Variants in KAZN observed in about 807,000 individuals in gnomAD.
KAZN encodes the protein kazrin.
KAZN carries 40 observed loss-of-function variants against 87.4 expected under a neutral mutation model. The ratio of observed to expected loss-of-function variants is 0.46; its 90% CI spans 0.36 to 0.60. The LOEUF (loss-of-function observed/expected upper bound fraction) is 0.60. KAZN is among the 20% of genes least tolerant of loss of function. The pLI, the probability that KAZN is intolerant of heterozygous loss-of-function variation, is 0.00. For missense variants in KAZN, 898 were observed against 1,073.9 expected (o/e 0.84, Z 2.29); for synonymous variants, 466 against 458.3 (o/e 1.02, Z -0.22).
intron 1 of KAZN, among the ~76,000 whole-genome samples, chr1:14,138,553 A>G (rs1645159830): frequency 6.6e-6 from 1 of 152,054 alleles, no homozygotes; most frequent in African/African-American, 2.4e-5. Flanking sequence ...CCTCCCCTAG[A>G]GCCCCCACGA....
intron 1 of KAZN, among the ~76,000 whole-genome samples, chr1:14,672,240 G>A (rs572746302): frequency 3.3e-5 from 5 of 152,266 alleles, no homozygotes; most frequent in South Asian, 4.2e-4. Flanking sequence ...AGCCCACTCC[G>A]TGCTACACTT....
At chr1:14,432,928 A>G (rs1284090356) in intron 2 of KAZN, among the ~76,000 whole-genome samples, 1 of 152,008 alleles carries the variant, frequency 6.6e-6, no homozygotes, top group African/African-American at 2.4e-5. Flanking sequence ...GCTGCATAGT[A>G]TTCCATGGTG....
chr1:14,411,093 C>T (rs1664269559), intron 2 of KAZN, among the ~76,000 whole-genome samples: 1 of 152,154 alleles, frequency 6.6e-6, no homozygotes, highest in African/African-American at 2.4e-5. Context: ...AGGCACACTC[C>T]AGTGAAACGG....
chr1:15,073,348 G>A (rs1406646030), intron 8 of KAZN, among the ~76,000 whole-genome samples: 2 of 152,218 alleles, frequency 1.3e-5, no homozygotes. Flanking sequence ...AAGCTGCCTG[G>A]TGTGGGCTCA....
At chr1:14,542,092 G>C (rs1271023631) in intron 2 of KAZN, among the ~76,000 whole-genome samples, 1 of 152,156 alleles carries the variant, frequency 6.6e-6, no homozygotes, top group Non-Finnish European at 1.5e-5. Flanking sequence ...TGTCTCAGGG[G>C]TATCCTCTCA....
chr1:13,916,764 G>C (rs536290059), intron 1 of KAZN, among the ~76,000 whole-genome samples: 3 of 152,102 alleles, frequency 2.0e-5, no homozygotes, highest in Non-Finnish European at 4.4e-5. Context: ...TCCACCTGGG[G>C]AGCCACTGAA....
chr1:13,970,575 T>C (rs1403757702), intron 1 of KAZN, among the ~76,000 whole-genome samples: 1 of 152,238 alleles, frequency 6.6e-6, no homozygotes, highest in Non-Finnish European at 1.5e-5. Flanking sequence ...ATACTATCTA[T>C]CTGTGATGGA....
chr1:14,728,502 A>G (rs996108572), intron 1 of KAZN, among the ~76,000 whole-genome samples: 10 of 152,072 alleles, frequency 6.6e-5, no homozygotes, highest in African/African-American at 1.9e-4. Flanking sequence ...ATGAATGATG[A>G]ACTAAGTCTG....
intron 2 of KAZN, among the ~76,000 whole-genome samples, chr1:14,966,040 C>T (rs189611204): frequency 2.0e-4 from 27 of 136,712 alleles, no homozygotes; most frequent in Admixed American, 1.9e-3. Flanking sequence ...AGTGCAGGGG[C>T]GTGACCTCGG....
intron 1 of KAZN, among the ~76,000 whole-genome samples, chr1:14,085,808 G>A (rs1643836659): frequency 6.6e-6 from 1 of 152,138 alleles, no homozygotes; most frequent in African/African-American, 2.4e-5. Flanking sequence ...TATATGGTAA[G>A]TGTAACTTTA....
chr1:14,582,714 T>A (rs1169572206), intron 2 of KAZN, among the ~76,000 whole-genome samples: 3 of 152,232 alleles, frequency 2.0e-5, no homozygotes, highest in African/African-American at 7.2e-5. Context: ...TCTTGTATTG[T>A]GAACTGGTCT....
intron 2 of KAZN, among the ~76,000 whole-genome samples, chr1:15,007,233 G>A (rs1412354564): frequency 1.3e-5 from 2 of 152,208 alleles, no homozygotes; most frequent in Admixed American, 6.5e-5. Context: ...TCAGCATGTT[G>A]GGAGGCTGGG....
chr1:14,960,499 G>A (rs544419225), intron 1 of KAZN, among the ~76,000 whole-genome samples, 185 bp from the exon 2 acceptor site: 2 of 152,282 alleles, frequency 1.3e-5, no homozygotes, highest in East Asian at 3.9e-4. Flanking sequence ...TGCAGACTGT[G>A]GGTGGGGCCT....
At chr1:15,087,229 A>G (rs1470049139) in intron 8 of KAZN, among the ~76,000 whole-genome samples, 1 of 152,228 alleles carries the variant, frequency 6.6e-6, no homozygotes, top group Non-Finnish European at 1.5e-5. Flanking sequence ...CATTTGAAGT[A>G]AAAAGGAACA....
intron 2 of KAZN, among the ~76,000 whole-genome samples, chr1:14,546,157 T>C (rs951605039): frequency 2.6e-5 from 4 of 152,334 alleles, no homozygotes; most frequent in East Asian, 1.9e-4. Flanking sequence ...TACCCCAGCA[T>C]AGACTGCAGC....
intron 1 of KAZN, among the ~76,000 whole-genome samples, chr1:14,786,402 G>A (rs1182128838): frequency 1.3e-5 from 2 of 152,136 alleles, no homozygotes; most frequent in Admixed American, 6.5e-5. Context: ...GGAGCCATCC[G>A]CTCTTCCCCG....
chr1:13,992,481 A>T (rs766199709), intron 1 of KAZN, among the ~76,000 whole-genome samples: 2 of 152,078 alleles, frequency 1.3e-5, no homozygotes, highest in Non-Finnish European at 2.9e-5. Context: ...GGAGGAGGGG[A>T]GAGAGAATTT....
At chr1:14,593,812 C>T (rs1366608165), upstream of KAZN, among the ~76,000 whole-genome samples, 3 of 152,156 alleles carry the variant, frequency 2.0e-5, no homozygotes, top group Non-Finnish European at 2.9e-5. Flanking sequence ...AGGTCAGAAA[C>T]AATTAAGTGG....
At chr1:14,956,429 A>G (rs1459699201) in intron 1 of KAZN, among the ~76,000 whole-genome samples, 4 of 151,786 alleles carry the variant, frequency 2.6e-5, no homozygotes, top group African/African-American at 9.7e-5. Flanking sequence ...GTGAAACCCC[A>G]TCTCTACTAA....
Sources: allele counts gnomAD v4.1 joint callset (sites outside exome capture counted in the v4.1 genomes callset), GRCh38; gene constraint gnomAD v4.1.1; transcripts MANE v1.5; gene names NCBI Gene and HGNC (gene_info 2026-07-23, HGNC 2026-07-21).